NPHP3: variants seen among roughly 807,000 people sequenced by gnomAD.
The protein encoded by NPHP3 is nephrocystin-3.
In NPHP3, 123 loss-of-function variants were observed where a neutral mutation model predicts 171.9. The observed-to-expected ratio is 0.72, with a 90% confidence interval of 0.62 to 0.83. NPHP3 has a LOEUF of 0.83. NPHP3 is among the 40% of genes least tolerant of loss of function. NPHP3 has a pLI of 0.00. For synonymous variants in NPHP3, 558 were observed against 579.2 expected (o/e 0.96, Z 0.52); for missense variants, 1,506 against 1,591.9 (o/e 0.95, Z 0.92).
chr3:132,699,598 T>C (rs1419187963), intron 12 of NPHP3, 148 bp from the exon 13 acceptor site: 1 of 699,174 alleles, frequency 1.4e-6, no homozygotes, highest in Admixed American at 2.8e-5. Flanking sequence ...TTTAGAATTT[T>C]AAAAGAACAA....
At chr3:132,711,054 T>G (rs1273658861) in intron 6 of NPHP3, among the ~76,000 whole-genome samples, 1 of 152,266 alleles carries the variant, frequency 6.6e-6, no homozygotes, top group Non-Finnish European at 1.5e-5. Flanking sequence ...GGATACCATC[T>G]GCACACAGGG....
At chr3:132,701,765 G>C (rs372857679) in intron 9 of NPHP3, among the ~76,000 whole-genome samples, 11 of 152,348 alleles carry the variant, frequency 7.2e-5, no homozygotes, top group African/African-American at 2.6e-4. Context: ...GCTCACGCCT[G>C]TAATCCCAGC....
At chr3:132,713,373 T>G in intron 5 of NPHP3, 87 bp from the exon 6 acceptor site, 1 of 820,286 alleles carries the variant, frequency 1.2e-6, no homozygotes, top group Non-Finnish European at 1.9e-6. Flanking sequence ...AAAAGCACGC[T>G]TTAAAACAGG....
chr3:132,713,057 C>T, intron 6 of NPHP3, 69 bp downstream of exon 6: 5 of 771,452 alleles, frequency 6.5e-6, no homozygotes, highest in South Asian at 2.2e-5. Flanking sequence ...ATCTTTGAAG[C>T]TTATTTGGCA....
rs1939564137 is a variant in NPHP3 at position 132,700,026 on chromosome 3, T to C, written c.1779A>G (p.Thr593=). ...CTTCCAGAAGCTTAGCAGGATCCAG[T>C]GTCAGAGCAGAGACTGACCAAGAGT... ...MQHSWSVSAL[T]LDPAKLLEEF... is the part of the protein sequence containing the mutation. Residue 593 remains threonine (T), a synonymous_variant, in exon 12 of 27, where the codon ACA becomes ACG. Transcript: ENST00000337331. The C allele has an allele frequency of 1.2e-6, 2 of 1,614,136 alleles. No homozygotes were observed.
Position 132,691,230 on chromosome 3 carries a change from G to A in NPHP3, c.2532C>T (p.Tyr844=), listed in dbSNP as rs766878726. ...TGAAATAGTTGATTAGCTTTTGCCT[G>A]TATGAAGAAGTAACAGTGGGGCCTT... The part of the protein sequence containing the change: ...YLEGPTVTSS[Y]RQKLINYFTL... The change falls in exon 18 of 27, where the codon TAC becomes TAT. Residue 844 remains tyrosine, a synonymous_variant. Transcript: ENST00000337331. 6 of 1,613,362 alleles carry A rather than the reference G, an allele frequency of 3.7e-6. No individual in the cohort carries two copies. In the African/African-American group the frequency reaches 5.3e-5, roughly 14 times the overall value.
At position 132,716,888 on chromosome 3, in the gene NPHP3, T is replaced by C; in HGVS notation, c.692A>G (p.Tyr231Cys). ...DVTAAGTQCE[Y>C]WTGGALGSEP... ...ACTTCCCAAGGCTCCGCCAGTCCAA[T>C]ATTCACATTGGGTTCCAGCAGCTGT... The change falls in exon 4 of 27, where the codon TAT becomes TGT. Residue 231 changes from tyrosine to cysteine, a missense_variant. By Grantham distance (194) the Tyr-to-Cys change is radical (BLOSUM62 -2). Around this residue, in one of 3 missense-constraint regions of NPHP3, gnomAD observed 930 missense variants for 924.9 expected, o/e 1.01. Transcript: ENST00000337331. The C allele has an allele frequency of 6.2e-7, 1 of 1,614,104 alleles. No homozygotes were observed. Among genetic ancestry groups the C allele is most frequent in the East Asian group, 2.2e-5 (1 of 44,884 alleles).
chr3:132,689,400 C>T, intron 19 of NPHP3, 137 bp from the exon 20 acceptor site: 1 of 859,066 alleles, frequency 1.2e-6, no homozygotes, highest in Non-Finnish European at 1.9e-6. Context: ...AGACTCAGAC[C>T]ACTCACTATC....
chr3:132,693,379 A>G (rs926500392), intron 16 of NPHP3: 11 of 154,172 alleles, frequency 7.1e-5, no homozygotes, highest in Non-Finnish European at 1.4e-4. Flanking sequence ...AAGCTGTGTG[A>G]GGCAAGGAGG....
chr3:132,721,258 C>T (rs1576690094), intron 1 of NPHP3, among the ~76,000 whole-genome samples: 1 of 152,242 alleles, frequency 6.6e-6, no homozygotes, highest in African/African-American at 2.4e-5. Context: ...GGACCTGCTA[C>T]ATGGAGGGCA....
intron 5 of NPHP3, 22 bp downstream of exon 5, chr3:132,715,063 C>G: frequency 6.3e-7 from 1 of 1,596,544 alleles, no homozygotes; most frequent in Non-Finnish European, 8.6e-7. Context: ...TTGGTTGATA[C>G]AGAATTTATA....
At chr3:132,705,394 T>C (rs1225540290) in intron 8 of NPHP3, among the ~76,000 whole-genome samples, 1 of 152,150 alleles carries the variant, frequency 6.6e-6, no homozygotes, top group African/African-American at 2.4e-5. Flanking sequence ...TGAGAGAGAC[T>C]TTCCTAATAT....
At chr3:132,697,865 A>G (rs1560007056) in intron 13 of NPHP3, among the ~76,000 whole-genome samples, 1 of 152,170 alleles carries the variant, frequency 6.6e-6, no homozygotes, top group Non-Finnish European at 1.5e-5. Flanking sequence ...CTGATATACA[A>G]TATGTGTGTG....
At chr3:132,717,151 GAATAC>G (rs1335250000) in intron 3 of NPHP3, 4 of 428,114 alleles carry the variant, frequency 9.3e-6, no homozygotes, top group African/African-American at 6.1e-5. Context: ...AAATAAACAA[GAATAC>G]AATAAAAAAG....
intron 23 of NPHP3, 180 bp downstream of exon 23, chr3:132,686,080 C>A: frequency 3.4e-6 from 2 of 582,112 alleles, no homozygotes; most frequent in Non-Finnish European, 3.0e-6. Flanking sequence ...AAAAGAAACA[C>A]AGTAGAGAAA....
Position 132,696,827 on chromosome 3 carries a change from C to G in NPHP3, c.2089-14G>C. 1 of 1,610,018 alleles carries G rather than the reference C, an allele frequency of 6.2e-7. No homozygotes were observed. Among genetic ancestry groups the G allele is most frequent in the Non-Finnish European group, 8.5e-7 (1 of 1,176,802 alleles). ...TAGCTTCTTCTCCTGCACCAGTTTA[C>G]CAAGAAAAACAAAACAGAAATACAA... On this transcript the variant is annotated splice_polypyrimidine_tract_variant and intron_variant, in intron 14 of 26. Transcript: ENST00000337331.
intron 21 of NPHP3, 84 bp from the exon 22 acceptor site, chr3:132,687,310 G>A (rs1939187531): frequency 1.5e-6 from 1 of 680,196 alleles, no homozygotes; most frequent in African/African-American, 1.8e-5. Flanking sequence ...TTTTCATAGT[G>A]TAAAGTCTTT....
chr3:132,699,980 T>C lies in NPHP3; in HGVS notation c.1825A>G (p.Lys609Glu). 6.2e-7 allele frequency: 1 copy of C among 1,614,150 alleles called. No individual in the cohort carries two copies. The change falls in exon 12 of 27, where the codon AAA (lysine) becomes GAA (glutamate). Residue 609 changes from lysine (K) to glutamate (E), a missense_variant. Around this residue, in one of 3 missense-constraint regions of NPHP3, gnomAD observed 930 missense variants for 924.9 expected, o/e 1.01. Transcript: ENST00000337331. ...CTGCCTTGATGACGAGCAGAGAGTT[T>C]TTCCAGCCAACGTGGAAATTCTTCC... ...LLEEFPRWLEKLSARHQGSII... is the reference protein window; with the variant it reads ...LLEEFPRWLEELSARHQGSII...
rs1356912257 is a variant in NPHP3, at chr3:132,681,314, A to G, written c.*596T>C. 1 of 141,788 alleles carries G rather than the reference A, an allele frequency of 7.1e-6. No individual in the cohort carries two copies. The highest frequency in any genetic ancestry group is 2.7e-5 in the African/African-American group (1 of 36,954). 8.8% of individuals were successfully genotyped at this position (141,788 alleles called of 1,614,324 possible). ...AGTCTCACCCTGTTGCCCAGGGTGG[A>G]ATGAACTGGCACAATCTCAGCTCAT... On this transcript the variant is annotated 3_prime_UTR_variant, in exon 27 of 27. Coordinates refer to ENST00000337331, the MANE Select transcript of NPHP3 (RefSeq NM_153240.5).
Sources: allele counts gnomAD v4.1 joint callset (sites outside exome capture counted in the v4.1 genomes callset), GRCh38; gene constraint gnomAD v4.1.1; regional missense constraint gnomAD v4.1.1; transcripts MANE v1.5; gene names NCBI Gene and HGNC (gene_info 2026-07-23, HGNC 2026-07-21).